Variants in ASH1L observed in about 807,000 individuals in gnomAD.
ASH1L encodes histone-lysine N-methyltransferase ASH1L.
ASH1L carries 23 observed loss-of-function variants against 269.0 expected under a neutral mutation model. The ratio of observed to expected loss-of-function variants is 0.09; its 90% confidence interval spans 0.06 to 0.12. The LOEUF (loss-of-function observed/expected upper bound fraction) is 0.12. Ranked by LOEUF, ASH1L falls within the 10% of genes least tolerant of loss-of-function variation. The pLI is 1.00. For synonymous variants in ASH1L, 1,187 were observed against 1,253.5 expected (o/e 0.95, Z 1.12); for missense variants, 2,912 against 3,567.8 (o/e 0.82, Z 4.68).
chr1:155,416,371 G>A (rs1326586978), intron 5 of ASH1L, among the ~76,000 whole-genome samples: 1 of 152,036 alleles, frequency 6.6e-6, no homozygotes, highest in East Asian at 1.9e-4. Flanking sequence ...CACCTGCCTT[G>A]GCCTCCCAAG....
chr1:155,379,199 T>C (rs1233469416), intron 8 of ASH1L, among the ~76,000 whole-genome samples: 1 of 152,154 alleles, frequency 6.6e-6, no homozygotes, highest in Non-Finnish European at 1.5e-5. Context: ...CTAGACTGTT[T>C]ATTAATATAT....
At chr1:155,537,749 T>C (rs1670154175) in intron 1 of ASH1L, among the ~76,000 whole-genome samples, 1 of 150,466 alleles carries the variant, frequency 6.6e-6, no homozygotes, top group Non-Finnish European at 1.5e-5. Context: ...TGATTTTTTT[T>C]TTTTAAAAAA....
intron 17 of ASH1L, 66 bp from the exon 18 acceptor site, chr1:155,349,662 T>A: frequency 7.3e-7 from 1 of 1,363,230 alleles, no homozygotes. Flanking sequence ...ATCTCCTAAC[T>A]GGAAGAATAG....
chr1:155,516,400 AGAC>A (rs1668505545), intron 2 of ASH1L, among the ~76,000 whole-genome samples: 4 of 152,214 alleles, frequency 2.6e-5, no homozygotes, highest in African/African-American at 9.6e-5. Context: ...CTCTGTTGGC[AGAC>A]GACACAGTTT....
At position 155,395,468 on chromosome 1, in the gene ASH1L, T is replaced by C; in HGVS notation, c.6094A>G (p.Ile2032Val). The C allele has an allele frequency of 6.2e-7, 1 of 1,607,036 alleles. No homozygotes were observed. Among genetic ancestry groups the C allele is most frequent in the East Asian group, 2.3e-5 (1 of 44,158 alleles). The change falls in exon 7 of 28, where the codon ATT becomes GTT. Residue 2032 changes from isoleucine (I) to valine (V), a missense_variant. Coordinates refer to ENST00000392403, the MANE Select transcript of ASH1L (RefSeq NM_018489.3). ...TGGACTCGGTACTTACCAACATGAA[T>C]GGGCGCTGGAAATAATCCATATTCA... ...EHEYGLFPAP[I>V]HVGKYLRQKR...
At chr1:155,547,010 T>C (rs1670876481) in intron 1 of ASH1L, among the ~76,000 whole-genome samples, 1 of 136,334 alleles carries the variant, frequency 7.3e-6, no homozygotes, top group African/African-American at 2.8e-5. Context: ...TGGAGTGTAG[T>C]GACGTGATCT....
At chr1:155,474,620 G>A (rs973819249) in intron 3 of ASH1L, among the ~76,000 whole-genome samples, 1 of 152,068 alleles carries the variant, frequency 6.6e-6, no homozygotes. Flanking sequence ...AAAATGGCTT[G>A]AGCCCAGGAA....
In ASH1L at chr1:155,482,039, G is replaced by A; in HGVS notation, c.831C>T (p.Ser277=). ...CTTTAGTTACCAATCCAACTGCTGT[G>A]CTGATGGTTGGCTTTTTTATTAAGT... ...HKDLIKKPTI[S]TAVGLVTKDP... is the part of the protein sequence containing the mutation. Residue 277 remains serine, a synonymous_variant, in exon 3 of 28, where the codon AGC becomes AGT. Coordinates refer to ENST00000392403, the MANE Select transcript of ASH1L (RefSeq NM_018489.3). 2 of 1,614,104 alleles carry A rather than the reference G, an allele frequency of 1.2e-6. No individual in the cohort carries two copies. The highest frequency in any genetic ancestry group is 1.1e-5 in the South Asian group (1 of 91,082).
At chr1:155,461,802 G>GT (rs398053426) in intron 3 of ASH1L, among the ~76,000 whole-genome samples, 32,439 of 127,106 alleles carry the variant, frequency 0.26, 4,502 homozygotes, top group East Asian at 0.68. Flanking sequence ...GGGTTTGAGG[G>GT]TTTTTTTTTT....
intron 2 of ASH1L, among the ~76,000 whole-genome samples, chr1:155,505,840 T>A (rs1312664934): frequency 3.9e-5 from 6 of 152,164 alleles, no homozygotes; most frequent in Non-Finnish European, 7.4e-5. Flanking sequence ...ACTATTATTA[T>A]CATTATTTTT....
intron 6 of ASH1L, among the ~76,000 whole-genome samples, chr1:155,410,837 C>CTCA (rs1468769494): frequency 6.6e-6 from 1 of 151,062 alleles, no homozygotes; most frequent in African/African-American, 2.4e-5. Flanking sequence ...AACTCCTGGG[C>CTCA]TCAAGCAATC....
intron 1 of ASH1L, among the ~76,000 whole-genome samples, chr1:155,544,970 C>T (rs972810623): frequency 6.6e-6 from 1 of 150,654 alleles, no homozygotes; most frequent in African/African-American, 2.4e-5. Context: ...GTCGGGAGTT[C>T]GAGACCAGCC....
At chr1:155,509,580 C>T (rs942770193) in intron 2 of ASH1L, among the ~76,000 whole-genome samples, 4 of 152,156 alleles carry the variant, frequency 2.6e-5, no homozygotes, top group Admixed American at 6.6e-5. Flanking sequence ...AGGCCGATCA[C>T]CTGAGGTTAG....
intron 10 of ASH1L, among the ~76,000 whole-genome samples, chr1:155,377,980 G>A (rs552399770): frequency 1.3e-5 from 2 of 150,902 alleles, no homozygotes; most frequent in African/African-American, 2.4e-5. Flanking sequence ...CCGAGATCGC[G>A]CCACTGCACT....
chr1:155,349,707 G>GTTTTTTTTTT, intron 17 of ASH1L, 111 bp from the exon 18 acceptor site: 1 of 422,746 alleles, frequency 2.4e-6, no homozygotes, highest in African/African-American at 2.4e-5. Flanking sequence ...AAAAATCCAA[G>GTTTTTTTTTT]TCTTTTTTTT....
intron 3 of ASH1L, among the ~76,000 whole-genome samples, chr1:155,463,101 T>C (rs1369794921): frequency 1.3e-5 from 2 of 152,172 alleles, no homozygotes; most frequent in African/African-American, 4.8e-5. Flanking sequence ...TTGCCAGAAA[T>C]ACACTGTTTT....
chr1:155,421,976 C>G (rs1660721818), intron 5 of ASH1L, among the ~76,000 whole-genome samples: 2 of 152,130 alleles, frequency 1.3e-5, no homozygotes, highest in South Asian at 4.1e-4. Context: ...TTTTCATCCT[C>G]CCAGACAGAA....
chr1:155,352,937 C>T, intron 16 of ASH1L, 79 bp from the exon 17 acceptor site: 1 of 1,381,882 alleles, frequency 7.2e-7, no homozygotes, highest in East Asian at 2.5e-5. Flanking sequence ...GGATTCCTGC[C>T]ATTTGCTCTA....
chr1:155,391,259 C>A (rs1245695976), intron 7 of ASH1L, among the ~76,000 whole-genome samples: 2 of 152,088 alleles, frequency 1.3e-5, no homozygotes, highest in Non-Finnish European at 2.9e-5. Flanking sequence ...AATTTATATT[C>A]ATATACTTTC....
Sources: allele counts gnomAD v4.1 joint callset (sites outside exome capture counted in the v4.1 genomes callset), GRCh38; gene constraint gnomAD v4.1.1; transcripts MANE v1.5; gene names NCBI Gene and HGNC (gene_info 2026-07-23, HGNC 2026-07-21).